Variants in ZFHX3 observed in about 807,000 individuals in gnomAD.
The protein encoded by ZFHX3 is zinc finger homeobox protein 3.
ZFHX3 carries 42 observed loss-of-function variants against 279.1 expected under a neutral mutation model. That is an observed-to-expected ratio of 0.15 (90% CI 0.12 to 0.19). ZFHX3 has a LOEUF of 0.19. ZFHX3 is among the 10% of genes least tolerant of loss of function. The pLI is 1.00. For missense variants in ZFHX3, 4,981 were observed against 4,754.0 expected (o/e 1.05, Z -1.40); for synonymous variants, 2,293 against 1,957.8 (o/e 1.17, Z -4.52).
At chr16:73,777,508 CAAAAAAAA>C (rs34744186) in intron 1 of ZFHX3, among the ~76,000 whole-genome samples, 5 of 62,642 alleles carry the variant, frequency 8.0e-5, no homozygotes, top group African/African-American at 1.7e-4. Flanking sequence ...GACTCTGTCT[CAAAAAAAA>C]AAAAAAAAAA....
Position 73,037,811 on chromosome 16 carries a change from C to G in ZFHX3, c.-50+9941G>C, listed in dbSNP as rs138339860. On this transcript the variant is annotated intron_variant, in intron 1 of 9. Transcript: ENST00000268489. The stretch of plus-strand genomic sequence containing the variant: ...GGCTGACCCCCATGTCCCCCACCCA[C>G]CCAAAAAAGATAAAATAAACAAACA... 3.3e-5 allele frequency among the ~76,000 whole-genome samples: 5 copies of G among 152,100 alleles called. No individual in the cohort carries two copies. The East Asian group carries it at 9.6e-4, about 29-fold the overall frequency.
intron 1 of ZFHX3, among the ~76,000 whole-genome samples, chr16:72,999,612 G>A (rs1415907825): frequency 6.6e-6 from 1 of 152,132 alleles, no homozygotes; most frequent in Non-Finnish European, 1.5e-5. Context: ...TCCAGATCTG[G>A]GCAGGATTGG....
intron 3 of ZFHX3, among the ~76,000 whole-genome samples, chr16:73,451,473 C>T (rs12924922): frequency 0.67 from 101,957 of 152,076 alleles, 37,003 homozygotes; most frequent in Non-Finnish European, 0.82. Flanking sequence ...ATCTAGTCAA[C>T]GCACTAAATA....
At chr16:73,882,998 T>C (rs1309742629) in intron 1 of ZFHX3, among the ~76,000 whole-genome samples, 1 of 151,356 alleles carries the variant, frequency 6.6e-6, no homozygotes, top group Non-Finnish European at 1.5e-5. Flanking sequence ...TTTTTTGAAA[T>C]GCCTGAGATT....
At chr16:73,879,491 C>T (rs1321554741) in intron 1 of ZFHX3, among the ~76,000 whole-genome samples, 1 of 151,934 alleles carries the variant, frequency 6.6e-6, no homozygotes, top group Non-Finnish European at 1.5e-5. Flanking sequence ...CTGGTTGGTT[C>T]GCCCTGTGAT....
intron 1 of ZFHX3, among the ~76,000 whole-genome samples, chr16:73,779,763 G>A (rs1157450950): frequency 6.6e-6 from 1 of 152,044 alleles, no homozygotes; most frequent in Non-Finnish European, 1.5e-5. Context: ...CTGTCGTCAG[G>A]TTGGAGGGCA....
At chr16:73,608,341 T>A (rs545991682) in intron 2 of ZFHX3, among the ~76,000 whole-genome samples, 45 of 152,284 alleles carry the variant, frequency 3.0e-4, no homozygotes, top group Middle Eastern at 3.4e-3. Flanking sequence ...ACAGTGTACA[T>A]AAGAGATTCT....
At chr16:73,329,280 G>A (rs1277745258) in intron 3 of ZFHX3, among the ~76,000 whole-genome samples, 1 of 152,220 alleles carries the variant, frequency 6.6e-6, no homozygotes, top group African/African-American at 2.4e-5. Flanking sequence ...TGGGGAGCAC[G>A]GGGGAGGGAT....
intron 1 of ZFHX3, among the ~76,000 whole-genome samples, chr16:73,781,713 G>A (rs141748913): frequency 6.6e-6 from 1 of 152,304 alleles, no homozygotes; most frequent in East Asian, 1.9e-4. Context: ...AAGAGGTCGG[G>A]CGTGGTGGCG....
At chr16:73,099,816 A>C (rs1484159836) in intron 7 of ZFHX3, among the ~76,000 whole-genome samples, 3 of 152,010 alleles carry the variant, frequency 2.0e-5, no homozygotes, top group Non-Finnish European at 2.9e-5. Context: ...GGAACAGGCC[A>C]AATGTTCAGA....
intron 2 of ZFHX3, among the ~76,000 whole-genome samples, chr16:73,557,094 C>CA (rs397766441): frequency 0.44 from 29,915 of 68,594 alleles, 8,552 homozygotes; most frequent in Middle Eastern, 0.55. Context: ...GACTCCGTCT[C>CA]AAAAAAAAAA....
At chr16:73,321,293 A>G (rs954109083) in intron 3 of ZFHX3, among the ~76,000 whole-genome samples, 3 of 152,144 alleles carry the variant, frequency 2.0e-5, no homozygotes, top group African/African-American at 7.2e-5. Flanking sequence ...GCGAGATCCT[A>G]AACTTTGCAT....
intron 1 of ZFHX3, among the ~76,000 whole-genome samples, chr16:73,042,528 C>T (rs879166557): frequency 1.4e-4 from 22 of 152,110 alleles, no homozygotes; most frequent in Admixed American, 4.6e-4. Context: ...ACACATGACC[C>T]CTCCAGTGTG....
At chr16:73,027,044 C>T (rs1567639712) in intron 1 of ZFHX3, among the ~76,000 whole-genome samples, 3 of 152,382 alleles carry the variant, frequency 2.0e-5, no homozygotes, top group African/African-American at 7.2e-5. Context: ...ACAGACAAAA[C>T]ACAAACAAGC....
intron 1 of ZFHX3, among the ~76,000 whole-genome samples, chr16:73,738,871 T>C (rs1447364688): frequency 2.6e-5 from 4 of 152,196 alleles, no homozygotes. Flanking sequence ...GATTACAAGA[T>C]GGAAGAAAGG....
chr16:73,876,997 T>C (rs1182384662), intron 1 of ZFHX3, among the ~76,000 whole-genome samples: 2 of 150,376 alleles, frequency 1.3e-5, no homozygotes, highest in Non-Finnish European at 3.0e-5. Context: ...GAAATCATGC[T>C]AAATACGAGC....
At chr16:73,211,348 G>A (rs1008731610) in intron 5 of ZFHX3, among the ~76,000 whole-genome samples, 1 of 152,152 alleles carries the variant, frequency 6.6e-6, no homozygotes, top group African/African-American at 2.4e-5. Flanking sequence ...AATGCCCAAT[G>A]ACACTTGAGA....
At chr16:73,434,299 T>C (rs1437811013) in intron 3 of ZFHX3, among the ~76,000 whole-genome samples, 5 of 152,168 alleles carry the variant, frequency 3.3e-5, no homozygotes, top group East Asian at 1.9e-4. Context: ...AGAGGATTGA[T>C]TGAGATGAAA....
intron 7 of ZFHX3, among the ~76,000 whole-genome samples, chr16:73,100,085 A>T (rs970680777): frequency 1.3e-5 from 2 of 152,212 alleles, no homozygotes; most frequent in Admixed American, 1.3e-4. Flanking sequence ...GAGAAGCCAT[A>T]GGTTTTACTG....
Sources: allele counts gnomAD v4.1 joint callset (sites outside exome capture counted in the v4.1 genomes callset), GRCh38; gene constraint gnomAD v4.1.1; transcripts MANE v1.5; gene names NCBI Gene and HGNC (gene_info 2026-07-23, HGNC 2026-07-21).